PRKCZ: variants seen among roughly 807,000 people sequenced by gnomAD.
PRKCZ encodes protein kinase C zeta type.
In PRKCZ, 33 loss-of-function variants were observed where a neutral mutation model predicts 79.5. The ratio of observed to expected loss-of-function variants is 0.41; its 90% confidence interval spans 0.31 to 0.55. The LOEUF (loss-of-function observed/expected upper bound fraction) is 0.55. PRKCZ is among the 20% of genes least tolerant of loss of function. PRKCZ has a pLI of 0.19. For missense variants in PRKCZ, 578 were observed against 813.5 expected (o/e 0.71, Z 3.52); for synonymous variants, 342 against 320.9 (o/e 1.07, Z -0.70).
At chr1:2,086,961 C>A (rs1357301751) in intron 4 of PRKCZ, among the ~76,000 whole-genome samples, 1 of 152,178 alleles carries the variant, frequency 6.6e-6, no homozygotes, top group East Asian at 1.9e-4. Flanking sequence ...AGAGCAGTTT[C>A]CAGAAGTTAA....
At chr1:2,160,384 G>A (rs2103347742) in intron 10 of PRKCZ, among the ~76,000 whole-genome samples, 1 of 152,264 alleles carries the variant, frequency 6.6e-6, no homozygotes, top group East Asian at 1.9e-4. Context: ...TGGCACCCGG[G>A]GAGGGTCCGC....
chr1:2,079,056 A>T (rs1662977373), intron 4 of PRKCZ, among the ~76,000 whole-genome samples: 2 of 151,974 alleles, frequency 1.3e-5, no homozygotes, highest in East Asian at 1.9e-4. Context: ...GTTAGCCAGG[A>T]TGGTCTCGAT....
In PRKCZ at chr1:2,184,918, A is replaced by G. The variant is rs143732365; in HGVS notation, c.1692-4A>G. ...CCCCTCCCCCCTGCCACCTTTGCCC[A>G]CAGGGATGCCATAAAGAGGATCGAC... On this transcript the variant is annotated splice_region_variant and splice_polypyrimidine_tract_variant and intron_variant, in intron 17 of 17. Coordinates refer to ENST00000378567, the MANE Select transcript of PRKCZ (RefSeq NM_002744.6). 1.3e-4 allele frequency: 205 copies of G among 1,612,696 alleles called. 2 individuals are homozygous for G. In the African/African-American group the frequency reaches 2.3e-3, roughly 18 times the overall value.
At chr1:2,057,372 T>G (rs1660267157) in intron 3 of PRKCZ, among the ~76,000 whole-genome samples, 1 of 152,198 alleles carries the variant, frequency 6.6e-6, no homozygotes, top group South Asian at 2.1e-4. Context: ...GGCCAGCCGG[T>G]CACGTCTTTG....
chr1:2,181,024 T>A (rs1403088107), intron 16 of PRKCZ, among the ~76,000 whole-genome samples: 1 of 152,166 alleles, frequency 6.6e-6, no homozygotes, highest in Non-Finnish European at 1.5e-5. Flanking sequence ...TCGTCCATTC[T>A]GTGCCTGACC....
intron 3 of PRKCZ, among the ~76,000 whole-genome samples, chr1:2,058,004 A>C (rs1432255251): frequency 6.6e-6 from 1 of 152,180 alleles, no homozygotes; most frequent in Admixed American, 6.5e-5. Flanking sequence ...AGTAGCTGGG[A>C]CTACAGGCAT....
At position 2,165,052 on chromosome 1, in the gene PRKCZ, T is replaced by G. The variant is rs1683066152; in HGVS notation, c.975-4466T>G. ...GCTGGGACACACTGCCCTCCAGTGC[T>G]CGAGTGCATTTCCTGGGCACTTTCT... On this transcript the variant is annotated intron_variant, in intron 10 of 17. Coordinates refer to ENST00000378567, the MANE Select transcript of PRKCZ (RefSeq NM_002744.6). The surrounding 1 kb of genome is among the most constrained non-coding windows in gnomAD (Gnocchi z 4.1). Among the ~76,000 whole-genome samples the G allele has an allele frequency of 6.6e-6, 1 of 152,230 alleles. No individual in the cohort carries two copies. The highest frequency in any genetic ancestry group is 2.1e-4 in the South Asian group (1 of 4,836).
At chr1:2,085,756 C>T (rs1461469587) in intron 4 of PRKCZ, among the ~76,000 whole-genome samples, 4 of 135,386 alleles carry the variant, frequency 3.0e-5, no homozygotes, top group African/African-American at 1.1e-4. Flanking sequence ...GGGCTGAGGA[C>T]GTCGGGGGGC....
chr1:2,117,656 G>A (rs1433977928), intron 4 of PRKCZ, among the ~76,000 whole-genome samples: 1 of 152,158 alleles, frequency 6.6e-6, no homozygotes, highest in Non-Finnish European at 1.5e-5. Context: ...ACCATTAAGG[G>A]TGCTGTTTGC....
chr1:2,050,942 C>T, intron 1 of PRKCZ: 1 of 371,036 alleles, frequency 2.7e-6, no homozygotes, highest in Non-Finnish European at 4.8e-6. Flanking sequence ...GCGCCGCGAG[C>T]TCCTCGGCCC....
chr1:2,050,724 A>C, intron 1 of PRKCZ, 23 bp downstream of exon 1: 2 of 1,035,970 alleles, frequency 1.9e-6, no homozygotes, highest in Non-Finnish European at 2.4e-6. Context: ...GAGGGCGGGG[A>C]GCGGCGCGGG....
intron 4 of PRKCZ, among the ~76,000 whole-genome samples, chr1:2,093,372 G>C (rs1192567446): frequency 6.6e-6 from 1 of 152,138 alleles, no homozygotes; most frequent in African/African-American, 2.4e-5. Flanking sequence ...GGGCAGGTCA[G>C]ACCGCCGGGG....
At chr1:2,136,367 G>T (rs1473780414) in intron 5 of PRKCZ, among the ~76,000 whole-genome samples, 1 of 152,212 alleles carries the variant, frequency 6.6e-6, no homozygotes, top group Non-Finnish European at 1.5e-5. Context: ...CTGAAGAGGG[G>T]TGTGGTGGGA....
chr1:2,170,289 G>T (rs1571976718), intron 11 of PRKCZ, among the ~76,000 whole-genome samples: 1 of 152,152 alleles, frequency 6.6e-6, no homozygotes, highest in Non-Finnish European at 1.5e-5. Flanking sequence ...CCCGGCAGCC[G>T]CGGGACCTCC....
chr1:2,124,938 C>G (rs183395347), intron 4 of PRKCZ, among the ~76,000 whole-genome samples: 1 of 152,160 alleles, frequency 6.6e-6, no homozygotes, highest in Non-Finnish European at 1.5e-5. Flanking sequence ...CCTCGCGTGG[C>G]GTCCCTGGCC....
In PRKCZ at chr1:2,067,937, C is replaced by T. The variant is rs997906488; in HGVS notation, c.334+8346C>T. On this transcript the variant is annotated intron_variant, in intron 4 of 17. Coordinates refer to ENST00000378567, the MANE Select transcript of PRKCZ (RefSeq NM_002744.6). ...GCCTGTCTGTGTCTGGGGTGGCATCCGCTGGCACCTGGGCTGACCTGGGAC... is the reference window on the plus strand; with the variant it reads ...GCCTGTCTGTGTCTGGGGTGGCATCTGCTGGCACCTGGGCTGACCTGGGAC... 5.9e-5 allele frequency among the ~76,000 whole-genome samples: 9 copies of T among 152,302 alleles called. No homozygotes were observed. In the South Asian group the frequency reaches 6.2e-4, roughly 11 times the overall value.
chr1:2,056,955 C>G (rs1660227415), intron 3 of PRKCZ, among the ~76,000 whole-genome samples: 1 of 152,064 alleles, frequency 6.6e-6, no homozygotes, highest in Non-Finnish European at 1.5e-5. Flanking sequence ...GTCTCAGTCT[C>G]CTGACCTCGT....
At chr1:2,182,057 C>G in intron 16 of PRKCZ, 1 of 327,450 alleles carries the variant, frequency 3.1e-6, no homozygotes, top group Admixed American at 4.3e-5. Context: ...TCCAGCCTTA[C>G]GTGGAAGGAT....
At chr1:2,059,192 A>G (rs991227685) in intron 3 of PRKCZ, among the ~76,000 whole-genome samples, 7 of 152,272 alleles carry the variant, frequency 4.6e-5, no homozygotes, top group Non-Finnish European at 7.3e-5. Flanking sequence ...AGTATGAAGA[A>G]GTGGAATCTA....
Sources: gnomAD v4.1 joint callset for allele counts (sites outside exome capture counted in the v4.1 genomes callset) on GRCh38, gnomAD v4.1.1 for gene constraint, Gnocchi (gnomAD v3.1) non-coding constraint, MANE v1.5 for transcripts, NCBI Gene and HGNC (gene_info 2026-07-23, HGNC 2026-07-21) for gene names.